Variants in NID2 observed in about 807,000 individuals in gnomAD.
The protein encoded by NID2 is nidogen-2.
In NID2, 83 loss-of-function variants were observed where a neutral mutation model predicts 145.4. The observed-to-expected ratio is 0.57, with a 90% confidence interval of 0.48 to 0.69. The LOEUF (loss-of-function observed/expected upper bound fraction) is 0.69, where lower values mean the gene tolerates loss of function less well. Ranked by LOEUF, NID2 falls within the 30% of genes least tolerant of loss-of-function variation. The pLI, the probability that NID2 is intolerant of heterozygous loss-of-function variation, is 0.00. For synonymous variants in NID2, 739 were observed against 701.3 expected, an observed-to-expected ratio of 1.05 and a Z score of -0.85; for missense variants, 1,807 against 1,765.7, an observed-to-expected ratio of 1.02 and a Z score of -0.42.
intron 2 of NID2, 128 bp downstream of exon 2, chr14:52,067,730 G>T: frequency 9.1e-7 from 1 of 1,096,702 alleles, no homozygotes; most frequent in Non-Finnish European, 1.4e-6. Context: ...CAGCCCTGCT[G>T]CCTCCAAGGT....
At chr14:52,038,576 C>T (rs760903131) in intron 9 of NID2, among the ~76,000 whole-genome samples, 171 bp downstream of exon 9, 6 of 152,162 alleles carry the variant, frequency 3.9e-5, no homozygotes, top group Non-Finnish European at 7.3e-5. Flanking sequence ...TGCCCTAAAA[C>T]TCTTTTCTGC....
At chr14:52,062,686 G>C (rs1434502484) in intron 2 of NID2, among the ~76,000 whole-genome samples, 1 of 152,134 alleles carries the variant, frequency 6.6e-6, no homozygotes, top group African/African-American at 2.4e-5. Context: ...AATTCCATAA[G>C]ATAAGGAGGT....
Position 52,014,354 on chromosome 14 carries a change from A to G in NID2, c.3353T>C (p.Ile1118Thr). ...TFLLYTQGQQ[I>T]GYLPLNGTRL... is the part of the protein sequence containing the mutation. The stretch of plus-strand genomic sequence containing the variant: ...GGTGCCATTGAGGGGTAAGTAGCCA[A>G]TCTGCTGGCCCTGAGTATAGAGCAG... Residue 1118 changes from isoleucine (I) to threonine (T), a missense_variant, in exon 16 of 22, where the codon ATT becomes ACT. Transcript: ENST00000216286. 1 of 1,614,250 alleles carries G rather than the reference A, an allele frequency of 6.2e-7. No individual in the cohort carries two copies. The highest frequency in any genetic ancestry group is 8.5e-7 in the Non-Finnish European group (1 of 1,180,046).
At chr14:52,044,043 T>C (rs1844331895) in intron 5 of NID2, among the ~76,000 whole-genome samples, 1 of 152,016 alleles carries the variant, frequency 6.6e-6, no homozygotes, top group Admixed American at 6.6e-5. Flanking sequence ...GTGGTAGTTG[T>C]GTTCCAGGTC....
intron 12 of NID2, among the ~76,000 whole-genome samples, chr14:52,023,446 C>G (rs1320241778): frequency 6.6e-6 from 1 of 151,314 alleles, no homozygotes; most frequent in African/African-American, 2.4e-5. Flanking sequence ...TAAAGTAAGA[C>G]CCTGCCTAAA....
At chr14:52,030,625 A>G (rs1351498346) in intron 9 of NID2, among the ~76,000 whole-genome samples, 2 of 142,592 alleles carry the variant, frequency 1.4e-5, no homozygotes, top group African/African-American at 5.2e-5. Flanking sequence ...AAAGAAAGAA[A>G]GAGAAAGAAA....
chr14:52,059,455 CA>C (rs1892956417), intron 3 of NID2, among the ~76,000 whole-genome samples: 1 of 152,138 alleles, frequency 6.6e-6, no homozygotes, highest in Admixed American at 6.5e-5. Context: ...ACACACCCCC[CA>C]AAAAACCCTG....
At position 52,068,878 on chromosome 14, in the gene NID2, G is replaced by T; in HGVS notation, c.117C>A (p.His39Gln). 1 of 1,614,028 alleles carries T rather than the reference G, an allele frequency of 6.2e-7. No homozygotes were observed. The highest frequency in any genetic ancestry group is 1.1e-5 in the South Asian group (1 of 91,090). ...GGAGCTGGTCCCCCCACGACTCCCC[G>T]TGTGGGAAGAGCTCGTCTGGGTGCA... ...AALHPDELFP[H>Q]GESWGDQLLQ... Residue 39 changes from histidine to glutamine, a missense_variant, in exon 1 of 22, where the codon CAC becomes CAA. By Grantham distance (24) the His-to-Gln change is conservative. Coordinates refer to ENST00000216286, the MANE Select transcript of NID2 (RefSeq NM_007361.4).
intron 7 of NID2, among the ~76,000 whole-genome samples, chr14:52,041,640 C>A (rs1892282496): frequency 6.6e-6 from 1 of 152,130 alleles, no homozygotes; most frequent in Non-Finnish European, 1.5e-5. Context: ...TTTGACAAGA[C>A]CTCCAAGTGA....
chr14:52,014,494 A>C, intron 15 of NID2, 38 bp from the exon 16 acceptor site: 1 of 1,565,838 alleles, frequency 6.4e-7, no homozygotes, highest in Non-Finnish European at 8.7e-7. Context: ...AAGGGGAACA[A>C]GGGCAGGCAG....
chr14:52,061,523 G>C (rs2140432892), intron 2 of NID2, among the ~76,000 whole-genome samples: 1 of 152,252 alleles, frequency 6.6e-6, no homozygotes, highest in African/African-American at 2.4e-5. Flanking sequence ...AATGGTAGGA[G>C]AGTCACTGGA....
At chr14:52,030,669 A>AG (rs1195368922) in intron 9 of NID2, among the ~76,000 whole-genome samples, 1 of 150,044 alleles carries the variant, frequency 6.7e-6, no homozygotes, top group Non-Finnish European at 1.5e-5. Context: ...AAAGAAAAAG[A>AG]AAAGAAAGAA....
rs1373658956 is a variant in NID2, at chr14:52,005,311, A to AGAT, written c.*172_*174dup. The AGAT allele has an allele frequency of 4.3e-6, 2 of 463,786 alleles. No individual in the cohort carries two copies. The highest frequency in any genetic ancestry group is 4.0e-5 in the African/African-American group (2 of 50,104). 28.7% of individuals were successfully genotyped at this position (463,786 alleles called of 1,614,324 possible). On this transcript the variant is annotated 3_prime_UTR_variant, in exon 22 of 22. Transcript: ENST00000216286. The stretch of plus-strand genomic sequence containing the variant: ...TTCATTTTTAAAAATACAGTAGTAA[A>AGAT]GATTGAGGTATCAGCTTTTCACAAA...
chr14:52,007,681 G>T (rs1890840935), intron 19 of NID2, 129 bp downstream of exon 19: 6 of 838,144 alleles, frequency 7.2e-6, no homozygotes, highest in Non-Finnish European at 9.6e-6. Flanking sequence ...AAATTTACTA[G>T]TACTTAAAAG....
intron 7 of NID2, among the ~76,000 whole-genome samples, chr14:52,041,681 C>T (rs1028154965): frequency 2.0e-5 from 3 of 152,212 alleles, no homozygotes; most frequent in Admixed American, 1.3e-4. Context: ...TGGGGTGCAC[C>T]GGCCTATACT....
chr14:52,020,915 C>T (rs192614268), intron 12 of NID2, among the ~76,000 whole-genome samples: 90 of 152,244 alleles, frequency 5.9e-4, no homozygotes, highest in Middle Eastern at 6.8e-3. Flanking sequence ...TTTCTCAAAA[C>T]AACAAAATCC....
At position 52,040,756 on chromosome 14, in the gene NID2, A is replaced by G; in HGVS notation, c.1921T>C (p.Tyr641His). The G allele has an allele frequency of 6.2e-7, 1 of 1,614,158 alleles. No individual in the cohort carries two copies. The highest frequency in any genetic ancestry group is 1.1e-5 in the South Asian group (1 of 91,082). ...TGAATGTTGGTCTTAATGCTCAGGT[A>G]GTTCTCTGGGTCAAGTCCCTCAGCA... ...QTAEGLDPEN[Y>H]LSIKTNIQGQ... The change falls in exon 8 of 22, where the codon TAC becomes CAC. Residue 641 changes from tyrosine to histidine, a missense_variant. Physicochemically the swap from Tyr to His is moderately conservative, Grantham distance 83. Transcript: ENST00000216286.
intron 14 of NID2, 36 bp from the exon 15 acceptor site, chr14:52,015,311 T>C: frequency 1.3e-6 from 2 of 1,571,670 alleles, no homozygotes; most frequent in Non-Finnish European, 1.7e-6. Context: ...AGAAAAACCT[T>C]TGATTGTGAG....
intron 9 of NID2, among the ~76,000 whole-genome samples, chr14:52,030,593 A>AGG (rs1566755782): frequency 1.5e-5 from 2 of 135,004 alleles, no homozygotes; most frequent in African/African-American, 2.8e-5. Context: ...AAAGAAAGAA[A>AGG]GAAAGAAAGA....
Sources: allele counts gnomAD v4.1 joint callset (sites outside exome capture counted in the v4.1 genomes callset), GRCh38; gene constraint gnomAD v4.1.1; transcripts MANE v1.5; gene names NCBI Gene and HGNC (gene_info 2026-07-23, HGNC 2026-07-21).